Variants in MAP3K7 observed in about 807,000 individuals in gnomAD.
MAP3K7 encodes the protein TGF-beta activated kinase 1.
In MAP3K7, 21 loss-of-function variants were observed where a neutral mutation model predicts 84.8. That is an observed-to-expected ratio of 0.25 (90% confidence interval 0.18 to 0.36). The LOEUF (loss-of-function observed/expected upper bound fraction) is 0.36. MAP3K7 is among the 10% of genes least tolerant of loss of function. The pLI is 1.00. For missense variants in MAP3K7, 503 were observed against 747.7 expected, an observed-to-expected ratio of 0.67 and a Z score of 3.82; for synonymous variants, 241 against 247.7, an observed-to-expected ratio of 0.97 and a Z score of 0.25.
chr6:90,568,462 A>G (rs1032858671), intron 3 of MAP3K7, 96 bp downstream of exon 3: 18 of 1,014,624 alleles, frequency 1.8e-5, no homozygotes, highest in Non-Finnish European at 2.6e-5. Context: ...AAAAACTTAA[A>G]AAAAACAAAA....
intron 1 of MAP3K7, among the ~76,000 whole-genome samples, chr6:90,574,239 T>A (rs1008708614): frequency 3.3e-5 from 5 of 152,160 alleles, no homozygotes; most frequent in African/African-American, 1.2e-4. Flanking sequence ...TGGGTATGAA[T>A]CAGTGTAAAG....
At chr6:90,527,588 A>C (rs899364437) in intron 13 of MAP3K7, among the ~76,000 whole-genome samples, 41 of 152,090 alleles carry the variant, frequency 2.7e-4, no homozygotes, top group African/African-American at 9.7e-4. Flanking sequence ...TCTTAATCAG[A>C]TAAAAGGTAT....
At chr6:90,556,926 C>T (rs142671993) in intron 5 of MAP3K7, among the ~76,000 whole-genome samples, 5 of 152,166 alleles carry the variant, frequency 3.3e-5, no homozygotes, top group South Asian at 2.1e-4. Flanking sequence ...CAAAATAAAA[C>T]GTGGGGTTTA....
At chr6:90,578,325 T>C (rs184949657) in intron 1 of MAP3K7, among the ~76,000 whole-genome samples, 1 of 152,162 alleles carries the variant, frequency 6.6e-6, no homozygotes, top group Non-Finnish European at 1.5e-5. Context: ...CATGCTGGAG[T>C]GCAGTGGCGC....
At chr6:90,559,305 G>A (rs1027186095) in intron 5 of MAP3K7, among the ~76,000 whole-genome samples, 1 of 151,938 alleles carries the variant, frequency 6.6e-6, no homozygotes, top group Non-Finnish European at 1.5e-5. Flanking sequence ...AGTATCAAGA[G>A]AATGGAATAA....
chr6:90,548,591 G>T (rs762961606), intron 9 of MAP3K7, among the ~76,000 whole-genome samples: 3 of 152,030 alleles, frequency 2.0e-5, no homozygotes, highest in Non-Finnish European at 2.9e-5. Context: ...GTATAAGATG[G>T]AAAACATTAT....
chr6:90,542,161 C>T, intron 12 of MAP3K7: 2 of 859,318 alleles, frequency 2.3e-6, no homozygotes, highest in Non-Finnish European at 2.8e-6. Context: ...TTAAGTATCA[C>T]CCTTCTTTAC....
intron 3 of MAP3K7, among the ~76,000 whole-genome samples, chr6:90,564,483 A>G (rs1261916910): frequency 6.6e-6 from 1 of 152,216 alleles, no homozygotes; most frequent in African/African-American, 2.4e-5. Context: ...AGGCCATTAC[A>G]TAATGGTAAA....
At chr6:90,586,466 A>G (rs1562117139) in intron 1 of MAP3K7, among the ~76,000 whole-genome samples, 2 of 152,036 alleles carry the variant, frequency 1.3e-5, no homozygotes, top group African/African-American at 4.8e-5. Flanking sequence ...TACTACTTAC[A>G]GATACGAGAA....
At position 90,513,708 on chromosome 6, in the gene MAP3K7, A is replaced by G. The variant is rs986434770; in HGVS notation, c.*2793T>C. The stretch of plus-strand genomic sequence containing the variant: ...AAATGTTCTGAATGACAGAAGTAGA[A>G]GTAGAACTTACTACCATTTGAAGAC... On this transcript the variant is annotated 3_prime_UTR_variant, in exon 17 of 17. Transcript: ENST00000369329. 6.6e-6 allele frequency: 1 copy of G among 152,162 alleles called. No individual in the cohort carries two copies. The highest frequency in any genetic ancestry group is 1.5e-5 in the Non-Finnish European group (1 of 68,016). 9.4% of individuals were successfully genotyped at this position (152,162 alleles called of 1,614,324 possible).
chr6:90,528,606 T>A (rs1290857571), intron 13 of MAP3K7, among the ~76,000 whole-genome samples: 1 of 152,178 alleles, frequency 6.6e-6, no homozygotes, highest in East Asian at 1.9e-4. Flanking sequence ...TCTGTTTTTT[T>A]AAAAATAATT....
intron 8 of MAP3K7, 94 bp downstream of exon 8, chr6:90,551,955 G>A: frequency 7.3e-7 from 1 of 1,372,972 alleles, no homozygotes. Flanking sequence ...ATATAAAGCA[G>A]AATATAGTAA....
intron 3 of MAP3K7, 119 bp downstream of exon 3, chr6:90,568,438 AT>A: frequency 1.4e-6 from 1 of 699,550 alleles, no homozygotes; most frequent in Non-Finnish European, 2.4e-6. Context: ...TCTTGAAAAA[AT>A]ATAATATTTT....
chr6:90,533,918 T>C (rs895118823), intron 13 of MAP3K7, among the ~76,000 whole-genome samples: 1 of 152,150 alleles, frequency 6.6e-6, no homozygotes, highest in Non-Finnish European at 1.5e-5. Flanking sequence ...TTAAAAAGCT[T>C]CCTGAATTAA....
At chr6:90,557,246 A>G (rs1776364443) in intron 5 of MAP3K7, among the ~76,000 whole-genome samples, 1 of 152,200 alleles carries the variant, frequency 6.6e-6, no homozygotes. Context: ...ACTATTACCC[A>G]ACTACAGTCA....
At chr6:90,532,487 C>T (rs1243809672) in intron 13 of MAP3K7, among the ~76,000 whole-genome samples, 1 of 152,096 alleles carries the variant, frequency 6.6e-6, no homozygotes, top group Non-Finnish European at 1.5e-5. Flanking sequence ...AAGGAACTTG[C>T]CCAAAGTCAC....
intron 1 of MAP3K7, among the ~76,000 whole-genome samples, chr6:90,573,335 A>C (rs565267324): frequency 6.6e-6 from 1 of 152,212 alleles, no homozygotes; most frequent in Non-Finnish European, 1.5e-5. Flanking sequence ...AAACTCTTCT[A>C]TAACAAAGTT....
chr6:90,583,349 A>G (rs1777341982), intron 1 of MAP3K7, among the ~76,000 whole-genome samples: 1 of 152,212 alleles, frequency 6.6e-6, no homozygotes, highest in Non-Finnish European at 1.5e-5. Flanking sequence ...CTGTAAATCC[A>G]GTGGAAAGGG....
intron 1 of MAP3K7, among the ~76,000 whole-genome samples, chr6:90,582,247 G>A (rs971506438): frequency 4.6e-5 from 7 of 152,116 alleles, no homozygotes; most frequent in Non-Finnish European, 5.9e-5. Flanking sequence ...CATTTCTAAC[G>A]TGTTGCCTTA....
Sources: allele counts gnomAD v4.1 joint callset (sites outside exome capture counted in the v4.1 genomes callset), GRCh38; gene constraint gnomAD v4.1.1; transcripts MANE v1.5; gene names NCBI Gene and HGNC (gene_info 2026-07-23, HGNC 2026-07-21).